PDE7B: variants seen among roughly 807,000 people sequenced by gnomAD.
The protein encoded by PDE7B is 3',5'-cyclic-AMP phosphodiesterase 7B.
In PDE7B, 29 loss-of-function variants were observed where a neutral mutation model predicts 56.2. That is an observed-to-expected ratio of 0.52 (90% confidence interval 0.38 to 0.70). The LOEUF (loss-of-function observed/expected upper bound fraction) is 0.70, where lower values mean the gene tolerates loss of function less well. PDE7B is among the 30% of genes least tolerant of loss of function. PDE7B has a pLI of 0.00. For missense variants in PDE7B, 490 were observed against 565.0 expected (o/e 0.87, Z 1.35); for synonymous variants, 197 against 196.9 (o/e 1.00, Z 0.00).
intron 2 of PDE7B, among the ~76,000 whole-genome samples, chr6:136,041,827 A>G (rs1472475551): frequency 1.3e-5 from 2 of 152,230 alleles, no homozygotes; most frequent in African/African-American, 4.8e-5. Flanking sequence ...AGATGAGGTA[A>G]ATAGTTCAGA....
chr6:136,171,290 T>C (rs954662776), intron 8 of PDE7B, among the ~76,000 whole-genome samples: 2 of 152,278 alleles, frequency 1.3e-5, no homozygotes, highest in African/African-American at 4.8e-5. Context: ...AGATTCCAAC[T>C]CACAGATTTA....
rs368118101 is a variant in PDE7B at position 136,025,881 on chromosome 6, CT to C, written c.82+78367del. Among the ~76,000 whole-genome samples, 8 of 150,386 alleles carry C rather than the reference CT, an allele frequency of 5.3e-5. No homozygotes were observed. In the East Asian group the frequency reaches 5.8e-4, roughly 11 times the overall value. On this transcript the variant is annotated intron_variant, in intron 2 of 12. Coordinates refer to ENST00000308191, the MANE Select transcript of PDE7B (RefSeq NM_018945.4). ...TCAACACTCAGAAACATTTAAAGCT[CT>C]TTTTTTTTTCTTTTCCATTTCTGGC... is the stretch of plus-strand genomic sequence containing the variant.
chr6:135,871,076 C>G (rs1423368259), intron 1 of PDE7B, among the ~76,000 whole-genome samples: 1 of 152,094 alleles, frequency 6.6e-6, no homozygotes, highest in Non-Finnish European at 1.5e-5. Context: ...CAGGAATTTT[C>G]CATTTATACT....
At chr6:135,976,367 G>T (rs901542744) in intron 2 of PDE7B, among the ~76,000 whole-genome samples, 2 of 152,178 alleles carry the variant, frequency 1.3e-5, no homozygotes, top group Middle Eastern at 3.4e-3. Flanking sequence ...CCCCATAAAG[G>T]CCCTCAAGGG....
chr6:136,115,876 A>G lies in PDE7B; in HGVS notation c.166+7062A>G, dbSNP rs1040018702. 2.0e-5 allele frequency among the ~76,000 whole-genome samples: 3 copies of G among 152,190 alleles called. No individual in the cohort carries two copies. The South Asian group carries it at 6.2e-4, about 32-fold the overall frequency. ...TGGGGTCTACCAGAGACACCAAACA[A>G]AAATATCTGAACAATTCCTTTTAAG... On this transcript the variant is annotated intron_variant, in intron 3 of 12. Transcript: ENST00000308191.
Position 136,043,575 on chromosome 6 carries a change from C to CAAAAAAAAAA in PDE7B, c.83-65145_83-65136dup, listed in dbSNP as rs34337621. ...TTGTCGGGATTAAATGACATAATAG[C>CAAAAAAAAAA]AAAAAAAAAAAAAAAAAAAAGTGCC... On this transcript the variant is annotated intron_variant, in intron 2 of 12. Coordinates refer to ENST00000308191, the MANE Select transcript of PDE7B (RefSeq NM_018945.4). Among the ~76,000 whole-genome samples, 3 of 106,908 alleles carry CAAAAAAAAAA rather than the reference C, an allele frequency of 2.8e-5. 1 individual carries two copies. The highest frequency in any genetic ancestry group is 5.5e-5 in the Non-Finnish European group (3 of 54,220). 70.1% of individuals were successfully genotyped at this position (106,908 alleles called of 152,430 possible). A position where few individuals can be genotyped will look rare whatever the true frequency, so the allele number is the denominator to read the frequency against.
At chr6:136,078,081 G>C (rs1247689556) in intron 2 of PDE7B, among the ~76,000 whole-genome samples, 1 of 152,124 alleles carries the variant, frequency 6.6e-6, no homozygotes, top group African/African-American at 2.4e-5. Flanking sequence ...GTGATAAATC[G>C]AGGAAAGAAA....
chr6:135,931,953 GCACACACA>G (rs35849934), intron 1 of PDE7B, among the ~76,000 whole-genome samples: 54 of 64,388 alleles, frequency 8.4e-4, no homozygotes, highest in African/African-American at 2.0e-3. Flanking sequence ...ACACGCGCGC[GCACACACA>G]CACACACACA....
chr6:136,192,035 A>T lies in PDE7B; in HGVS notation c.*195A>T. 1 of 591,022 alleles carries T rather than the reference A, an allele frequency of 1.7e-6. No homozygotes were observed. Among genetic ancestry groups the T allele is most frequent in the Non-Finnish European group, 3.0e-6 (1 of 330,800 alleles). The allele number at this position is 591,022 out of a possible 1,614,324, so 36.6% of individuals were successfully genotyped here. On this transcript the variant is annotated 3_prime_UTR_variant, in exon 13 of 13. Transcript: ENST00000308191. ...TACAGAAGCCATTTGTCACCTCAGC[A>T]TTCGCTGCCGAAATGAGCAACTCCA...
At chr6:136,004,238 C>T (rs1395067699) in intron 2 of PDE7B, among the ~76,000 whole-genome samples, 1 of 152,198 alleles carries the variant, frequency 6.6e-6, no homozygotes, top group African/African-American at 2.4e-5. Flanking sequence ...AAACCCACAG[C>T]TAATATCATA....
chr6:136,023,648 A>G (rs1444590699), intron 2 of PDE7B, among the ~76,000 whole-genome samples: 2 of 152,184 alleles, frequency 1.3e-5, no homozygotes, highest in African/African-American at 4.8e-5. Flanking sequence ...TTTTGACTCT[A>G]TCAGTCTCTA....
At chr6:136,025,570 T>A (rs1197983183) in intron 2 of PDE7B, among the ~76,000 whole-genome samples, 1 of 152,336 alleles carries the variant, frequency 6.6e-6, no homozygotes, top group Non-Finnish European at 1.5e-5. Context: ...CCCTTAGGGA[T>A]ATTACACGGG....
At chr6:136,014,197 G>A (rs910941007) in intron 2 of PDE7B, among the ~76,000 whole-genome samples, 5 of 152,144 alleles carry the variant, frequency 3.3e-5, no homozygotes, top group Admixed American at 6.5e-5. Context: ...GTTCATTTTA[G>A]GAAACTTGAA....
chr6:136,145,778 C>T (rs1404774607), intron 3 of PDE7B, among the ~76,000 whole-genome samples: 1 of 152,160 alleles, frequency 6.6e-6, no homozygotes, highest in African/African-American at 2.4e-5. Context: ...TTTCTCTAAA[C>T]CCATCTAAAG....
intron 1 of PDE7B, among the ~76,000 whole-genome samples, chr6:135,858,311 C>A (rs1272557764): frequency 3.3e-5 from 5 of 152,022 alleles, no homozygotes; most frequent in Non-Finnish European, 7.4e-5. Context: ...CACCACCACA[C>A]CTGGCTAATT....
chr6:136,129,168 C>A (rs762164542), intron 3 of PDE7B, among the ~76,000 whole-genome samples: 1 of 152,120 alleles, frequency 6.6e-6, no homozygotes, highest in East Asian at 1.9e-4. Flanking sequence ...GTGGAAGAAC[C>A]AATCCTTGAA....
At chr6:136,148,955 C>A in intron 4 of PDE7B, 132 bp from the exon 5 acceptor site, 1 of 646,098 alleles carries the variant, frequency 1.5e-6, no homozygotes, top group South Asian at 2.0e-5. Context: ...ATAGGGAAAC[C>A]ATTCATTTGC....
chr6:136,175,423 A>G (rs1189112158), intron 9 of PDE7B, among the ~76,000 whole-genome samples: 1 of 152,132 alleles, frequency 6.6e-6, no homozygotes, highest in Non-Finnish European at 1.5e-5. Flanking sequence ...TTAAGGGCCA[A>G]AAACAGGAGA....
intron 1 of PDE7B, among the ~76,000 whole-genome samples, chr6:135,937,344 G>T (rs943352997): frequency 1.3e-5 from 2 of 152,232 alleles, no homozygotes; most frequent in East Asian, 1.9e-4. Context: ...GTCCTGCAGG[G>T]CCCTTCCTGA....
Sources: allele counts gnomAD v4.1 joint callset (sites outside exome capture counted in the v4.1 genomes callset), GRCh38; gene constraint gnomAD v4.1.1; transcripts MANE v1.5; gene names NCBI Gene and HGNC (gene_info 2026-07-23, HGNC 2026-07-21).